The following QTMAN variants were observed in gnomAD, a reference collection of about 807,000 sequenced individuals.
The protein encoded by QTMAN is queuosine-tRNA mannosyltransferase.
chr2:144,321,467 T>C, the QTMAN span, among the ~76,000 whole-genome samples: 1 of 152,224 alleles, frequency 6.6e-6, no homozygotes, highest in Non-Finnish European at 1.5e-5. Context: ...ACAGAACCCA[T>C]CTGTAATTCA....
At chr2:144,294,950 G>T in the QTMAN span, among the ~76,000 whole-genome samples, 3 of 152,156 alleles carry the variant, frequency 2.0e-5, no homozygotes, top group African/African-American at 7.2e-5. Flanking sequence ...TGGGAAAAAT[G>T]AACTTGAAGA....
chr2:144,184,126 A>G, the QTMAN span, among the ~76,000 whole-genome samples: 1 of 152,172 alleles, frequency 6.6e-6, no homozygotes, highest in Non-Finnish European at 1.5e-5. Flanking sequence ...TATTTAAAAT[A>G]GGAGTTTTTT....
chr2:144,172,481 G>A, the QTMAN span, among the ~76,000 whole-genome samples: 2 of 151,766 alleles, frequency 1.3e-5, no homozygotes, highest in East Asian at 3.9e-4. Context: ...AAAATTAGCA[G>A]GGCATAGTGG....
chr2:144,332,167 C>A, the QTMAN span, among the ~76,000 whole-genome samples: 3 of 49,860 alleles, frequency 6.0e-5, no homozygotes, highest in Admixed American at 2.2e-4. Flanking sequence ...GCAGAAGGCA[C>A]AAAATGCCAC....
the QTMAN span, among the ~76,000 whole-genome samples, chr2:144,193,495 A>G: frequency 6.7e-6 from 1 of 148,998 alleles, no homozygotes; most frequent in Non-Finnish European, 1.5e-5. Context: ...TATACACATA[A>G]TATATATTAC....
chr2:143,971,734 A>G, the QTMAN span, among the ~76,000 whole-genome samples: 1 of 152,026 alleles, frequency 6.6e-6, no homozygotes, highest in Non-Finnish European at 1.5e-5. Context: ...TTTTTACATT[A>G]TGAAAAAATA....
At chr2:144,148,062 T>C in the QTMAN span, among the ~76,000 whole-genome samples, 10 of 151,836 alleles carry the variant, frequency 6.6e-5, no homozygotes, top group Non-Finnish European at 1.5e-5. Flanking sequence ...GAACACCTAT[T>C]AAGGACATTA....
At chr2:144,066,826 A>T in the QTMAN span, among the ~76,000 whole-genome samples, 1 of 152,160 alleles carries the variant, frequency 6.6e-6, no homozygotes, top group Admixed American at 6.5e-5. Flanking sequence ...ATCAGAGCAA[A>T]CTGCTTTCTC....
the QTMAN span, among the ~76,000 whole-genome samples, chr2:144,226,766 TAGAC>T: frequency 1.3e-5 from 2 of 152,168 alleles, no homozygotes; most frequent in Non-Finnish European, 2.9e-5. Flanking sequence ...TGGGAGATAG[TAGAC>T]AGTTGTTCAT....
chr2:144,173,190 TCTC>T, the QTMAN span, among the ~76,000 whole-genome samples: 5 of 152,174 alleles, frequency 3.3e-5, no homozygotes. Flanking sequence ...TTTAAGATAC[TCTC>T]CTCATCTCTG....
chr2:144,056,305 G>A, the QTMAN span, among the ~76,000 whole-genome samples: 1 of 152,174 alleles, frequency 6.6e-6, no homozygotes, highest in Admixed American at 6.5e-5. Context: ...ACTAACTCAG[G>A]TCTGGTTTAT....
At chr2:144,322,027 T>A in the QTMAN span, among the ~76,000 whole-genome samples, 2 of 152,180 alleles carry the variant, frequency 1.3e-5, no homozygotes, top group East Asian at 3.8e-4. Context: ...ATAGGTAGCA[T>A]CCATTTTAAA....
chr2:144,000,280 C>T, the QTMAN span, among the ~76,000 whole-genome samples: 2 of 151,966 alleles, frequency 1.3e-5, no homozygotes, highest in Non-Finnish European at 2.9e-5. Flanking sequence ...TAATTTTTCC[C>T]TAAAATTCTA....
chr2:144,255,305 AC>A, the QTMAN span, among the ~76,000 whole-genome samples: 1 of 151,862 alleles, frequency 6.6e-6, no homozygotes, highest in East Asian at 1.9e-4. Context: ...GAGGGCAGTT[AC>A]CCCCATGCTG....
the QTMAN span, among the ~76,000 whole-genome samples, chr2:144,005,331 T>C: frequency 7.2e-5 from 11 of 152,286 alleles, no homozygotes; most frequent in South Asian, 2.3e-3. Flanking sequence ...AAATTTTTAG[T>C]GTGTGATAAT....
At chr2:144,158,463 A>T in the QTMAN span, among the ~76,000 whole-genome samples, 1 of 151,800 alleles carries the variant, frequency 6.6e-6, no homozygotes, top group Non-Finnish European at 1.5e-5. Context: ...TAAGTGTGTG[A>T]GGCTGTGTGT....
chr2:144,233,644 G>A, the QTMAN span, among the ~76,000 whole-genome samples: 4 of 152,218 alleles, frequency 2.6e-5, no homozygotes, highest in Admixed American at 1.3e-4. Flanking sequence ...AATTGAGACA[G>A]TGTAGGATTG....
At chr2:144,273,204 A>G in the QTMAN span, among the ~76,000 whole-genome samples, 433 of 151,986 alleles carry the variant, frequency 2.8e-3, 1 homozygote, top group African/African-American at 9.5e-3. Context: ...GATTAACAAA[A>G]AGCTAAAAAA....
chr2:144,105,197 C>T, the QTMAN span, among the ~76,000 whole-genome samples: 26 of 152,148 alleles, frequency 1.7e-4, no homozygotes, highest in African/African-American at 5.1e-4. Flanking sequence ...AATCAGAGCG[C>T]CTCTCCCCCT....
Sources: allele counts gnomAD v4.1 joint callset (sites outside exome capture counted in the v4.1 genomes callset), GRCh38; gene constraint gnomAD v4.1.1; transcripts MANE v1.5; gene names NCBI Gene and HGNC (gene_info 2026-07-23, HGNC 2026-07-21).